Variants in MTHFD1L observed in about 807,000 individuals in gnomAD.
The protein encoded by MTHFD1L is methylenetetrahydrofolate dehydrogenase (NADP+ dependent) 1 like.
Under a neutral mutation model 119.5 loss-of-function variants are expected in MTHFD1L, and 81 were observed. That is an observed-to-expected ratio of 0.68 (90% CI 0.57 to 0.82). The LOEUF (loss-of-function observed/expected upper bound fraction) is 0.82. Ranked by LOEUF, MTHFD1L falls within the 40% of genes least tolerant of loss-of-function variation. MTHFD1L has a pLI of 0.00. For missense variants in MTHFD1L, 1,125 were observed against 1,253.4 expected (o/e 0.90, Z 1.55); for synonymous variants, 430 against 475.2 (o/e 0.90, Z 1.24).
At chr6:150,930,445 TA>T (rs1486736519) in intron 11 of MTHFD1L, among the ~76,000 whole-genome samples, 1 of 152,182 alleles carries the variant, frequency 6.6e-6, no homozygotes, top group Admixed American at 6.5e-5. Context: ...AATGGAGAAT[TA>T]TTTCCTTTTT....
intron 26 of MTHFD1L, among the ~76,000 whole-genome samples, chr6:151,062,259 AC>A (rs1790726799): frequency 6.6e-6 from 1 of 151,872 alleles, no homozygotes; most frequent in Non-Finnish European, 1.5e-5. Flanking sequence ...ATACGATGAA[AC>A]CCCGTCTCTA....
At chr6:151,068,084 C>T (rs1791530529) in intron 26 of MTHFD1L, among the ~76,000 whole-genome samples, 1 of 152,238 alleles carries the variant, frequency 6.6e-6, no homozygotes, top group Non-Finnish European at 1.5e-5. Flanking sequence ...ACAAATAACA[C>T]AATTCTGATT....
chr6:150,985,869 T>C (rs1015947638), intron 20 of MTHFD1L, among the ~76,000 whole-genome samples: 2 of 151,796 alleles, frequency 1.3e-5, no homozygotes, highest in African/African-American at 4.8e-5. Flanking sequence ...TGCAAAAGAG[T>C]AGAAGAAACT....
intron 20 of MTHFD1L, among the ~76,000 whole-genome samples, chr6:150,978,521 T>G (rs889639751): frequency 1.3e-5 from 2 of 152,152 alleles, no homozygotes; most frequent in Non-Finnish European, 2.9e-5. Flanking sequence ...AGTGCCCAAT[T>G]AAAACACAGG....
chr6:150,892,477 G>A (rs1413781849), intron 7 of MTHFD1L, among the ~76,000 whole-genome samples: 1 of 152,142 alleles, frequency 6.6e-6, no homozygotes, highest in Non-Finnish European at 1.5e-5. Context: ...CATAGTTGAT[G>A]TTGCACACAC....
rs564556430 is a variant in MTHFD1L, at chr6:150,924,409, G to A, written c.1083-1713G>A. Among the ~76,000 whole-genome samples the A allele has an allele frequency of 2.0e-5, 3 of 152,238 alleles. No individual in the cohort carries two copies. The South Asian group carries it at 6.2e-4, about 32-fold the overall frequency. ...GCTGGTCTTGAACTCCTGACCTCAA[G>A]TGATCTGCCCTCCTGTGCTCCCAAA... On this transcript the variant is annotated intron_variant, in intron 10 of 27. Coordinates refer to ENST00000367321, the MANE Select transcript of MTHFD1L (RefSeq NM_015440.5).
intron 26 of MTHFD1L, among the ~76,000 whole-genome samples, chr6:151,072,821 A>G (rs932880666): frequency 1.3e-5 from 2 of 152,052 alleles, no homozygotes; most frequent in African/African-American, 2.4e-5. Flanking sequence ...AAATAAAAAG[A>G]GTACACAATA....
chr6:150,918,806 A>G, intron 9 of MTHFD1L, 138 bp downstream of exon 9: 1 of 683,824 alleles, frequency 1.5e-6, no homozygotes, highest in Non-Finnish European at 2.5e-6. Context: ...TTGATAAGTG[A>G]AGAAATGGTG....
chr6:151,012,042 A>C (rs1194651066), intron 21 of MTHFD1L, among the ~76,000 whole-genome samples: 69 of 148,850 alleles, frequency 4.6e-4, no homozygotes, highest in African/African-American at 1.6e-3. Context: ...AAAAAAAAAA[A>C]AAAAAAAAAC....
intron 13 of MTHFD1L, among the ~76,000 whole-genome samples, 167 bp from the exon 14 acceptor site, chr6:150,944,319 C>T (rs1215391110): frequency 2.0e-5 from 3 of 152,152 alleles, no homozygotes; most frequent in African/African-American, 7.2e-5. Context: ...CAATGGTGTG[C>T]ACCTATAGTC....
chr6:150,896,519 C>T (rs942757744), intron 7 of MTHFD1L, among the ~76,000 whole-genome samples: 8 of 152,256 alleles, frequency 5.3e-5, no homozygotes, highest in Middle Eastern at 3.4e-3. Context: ...CAGCCTTGTA[C>T]TTAGCGAGTG....
At chr6:151,013,371 T>C (rs1323784840) in intron 21 of MTHFD1L, among the ~76,000 whole-genome samples, 1 of 152,182 alleles carries the variant, frequency 6.6e-6, no homozygotes, top group Non-Finnish European at 1.5e-5. Flanking sequence ...CAGAACTTTA[T>C]GGCAATTACC....
intron 16 of MTHFD1L, among the ~76,000 whole-genome samples, chr6:150,949,563 G>A (rs1316252941): frequency 6.6e-6 from 1 of 152,036 alleles, no homozygotes; most frequent in Non-Finnish European, 1.5e-5. Context: ...AGCTCTCTGT[G>A]TGTTTCCAGT....
At chr6:150,974,963 C>T (rs1776343631) in intron 20 of MTHFD1L, among the ~76,000 whole-genome samples, 1 of 152,108 alleles carries the variant, frequency 6.6e-6, no homozygotes, top group Non-Finnish European at 1.5e-5. Context: ...GTCTCAAACT[C>T]CTGACCTCAG....
At chr6:151,012,162 A>G (rs1320626874) in intron 21 of MTHFD1L, among the ~76,000 whole-genome samples, 1 of 151,660 alleles carries the variant, frequency 6.6e-6, no homozygotes, top group Non-Finnish European at 1.5e-5. Flanking sequence ...CTCCCTATGT[A>G]ATTCTCAATT....
intron 10 of MTHFD1L, among the ~76,000 whole-genome samples, chr6:150,925,152 C>A (rs1338209307): frequency 6.6e-6 from 1 of 152,164 alleles, no homozygotes; most frequent in Non-Finnish European, 1.5e-5. Context: ...GGGGGTTGAT[C>A]TGCCCACCGC....
intron 26 of MTHFD1L, among the ~76,000 whole-genome samples, chr6:151,065,615 A>T (rs1791141629): frequency 6.6e-6 from 1 of 152,154 alleles, no homozygotes; most frequent in Non-Finnish European, 1.5e-5. Flanking sequence ...TCATACTCAA[A>T]ACTCCCTATC....
intron 5 of MTHFD1L, among the ~76,000 whole-genome samples, chr6:150,883,160 G>A (rs554886725): frequency 6.6e-6 from 1 of 152,088 alleles, no homozygotes; most frequent in South Asian, 2.1e-4. Context: ...AGCCTCCTGA[G>A]TAGCTGGGAT....
intron 16 of MTHFD1L, among the ~76,000 whole-genome samples, chr6:150,952,693 C>G (rs1401902032): frequency 6.6e-6 from 1 of 152,138 alleles, no homozygotes; most frequent in Non-Finnish European, 1.5e-5. Context: ...CCATGCCCAG[C>G]TAATTTTTGT....
Sources: gnomAD v4.1 joint callset for allele counts (sites outside exome capture counted in the v4.1 genomes callset) on GRCh38, gnomAD v4.1.1 for gene constraint, MANE v1.5 for transcripts, NCBI Gene and HGNC (gene_info 2026-07-23, HGNC 2026-07-21) for gene names.